The following SLIT3 variants were observed in gnomAD, a reference collection of about 807,000 sequenced individuals.
The protein encoded by SLIT3 is slit homolog 3 protein.
Under a neutral mutation model 184.0 loss-of-function variants are expected in SLIT3, and 68 were observed. That is an observed-to-expected ratio of 0.37 (90% CI 0.30 to 0.45). The LOEUF is 0.45. Among genes scored for constraint, SLIT3 ranks in the 20% least tolerant of loss-of-function variants. The pLI is 1.00. For synonymous variants in SLIT3, 831 were observed against 828.6 expected (o/e 1.00, Z -0.05); for missense variants, 1,707 against 2,026.0 (o/e 0.84, Z 3.02).
chr5:168,957,221 G>A (rs1473270015), intron 4 of SLIT3, among the ~76,000 whole-genome samples: 2 of 127,564 alleles, frequency 1.6e-5, no homozygotes, highest in Non-Finnish European at 3.1e-5. Context: ...AAGAGCAAAA[G>A]TCTGTCTCAA....
intron 22 of SLIT3, 104 bp from the exon 23 acceptor site, chr5:168,722,431 T>C: frequency 3.1e-6 from 3 of 972,598 alleles, no homozygotes; most frequent in African/African-American, 1.6e-5. Flanking sequence ...ATCTTTTCAA[T>C]GTTGATATAT....
chr5:169,161,759 C>G (rs1762487120), intron 4 of SLIT3, among the ~76,000 whole-genome samples: 1 of 151,128 alleles, frequency 6.6e-6, no homozygotes, highest in African/African-American at 2.4e-5. Context: ...GGGGAAGAGA[C>G]AGGCCAGGTA....
intron 4 of SLIT3, among the ~76,000 whole-genome samples, chr5:168,886,651 A>C (rs1386717434): frequency 6.6e-6 from 1 of 152,140 alleles, no homozygotes; most frequent in Admixed American, 6.5e-5. Context: ...CACTAGAAGA[A>C]AGGCATGAGA....
chr5:169,068,160 G>C lies in SLIT3; in HGVS notation c.413+125319C>G, dbSNP rs865874857. Among the ~76,000 whole-genome samples the C allele has an allele frequency of 4.1e-4, 63 of 152,098 alleles. 3 individuals carry two copies. The highest frequency in any genetic ancestry group is 3.4e-3 in the Middle Eastern group (1 of 294). Reference sequence around the variant, plus strand: ...CACTATTCCCCTCTCAGTTGTAAAAGTACAATAAATCTGCTGTAAGGGAAC... The same window carrying C: ...CACTATTCCCCTCTCAGTTGTAAAACTACAATAAATCTGCTGTAAGGGAAC... On this transcript the variant is annotated intron_variant, in intron 4 of 35. Transcript: ENST00000519560.
chr5:168,999,620 C>G (rs17636045), intron 4 of SLIT3, among the ~76,000 whole-genome samples: 1 of 152,200 alleles, frequency 6.6e-6, no homozygotes, highest in Admixed American at 6.5e-5. Context: ...CTTCCTAGTG[C>G]TGCCTCCCAC....
chr5:168,977,588 G>A (rs981038208), intron 4 of SLIT3, among the ~76,000 whole-genome samples: 1 of 152,284 alleles, frequency 6.6e-6, no homozygotes, highest in African/African-American at 2.4e-5. Context: ...ACAAAAGACC[G>A]AGGGTAAGTG....
At chr5:168,798,201 G>T (rs895120706) in intron 9 of SLIT3, among the ~76,000 whole-genome samples, 2 of 134,876 alleles carry the variant, frequency 1.5e-5, no homozygotes, top group African/African-American at 3.2e-5. Flanking sequence ...CTGGCTTTTG[G>T]TTTTCTTTTC....
At chr5:168,701,052 G>A (rs184242104) in intron 26 of SLIT3, among the ~76,000 whole-genome samples, 19 of 152,312 alleles carry the variant, frequency 1.2e-4, no homozygotes, top group Admixed American at 6.5e-4. Context: ...TTGGCTGATC[G>A]TGACCTCATA....
At chr5:169,043,180 C>T (rs767222597) in intron 4 of SLIT3, among the ~76,000 whole-genome samples, 3 of 152,046 alleles carry the variant, frequency 2.0e-5, no homozygotes, top group Admixed American at 6.6e-5. Flanking sequence ...ATGACTTGCC[C>T]GAGGTCATAC....
chr5:169,250,018 A>C (rs1306058044), intron 2 of SLIT3, among the ~76,000 whole-genome samples: 5 of 152,226 alleles, frequency 3.3e-5, no homozygotes, highest in Admixed American at 3.3e-4. Context: ...TGGGTAGACT[A>C]TCATTGTCTT....
chr5:169,099,266 C>T (rs1459413350), intron 4 of SLIT3, among the ~76,000 whole-genome samples: 1 of 152,120 alleles, frequency 6.6e-6, no homozygotes, highest in Non-Finnish European at 1.5e-5. Flanking sequence ...GGCACAGAAG[C>T]CCCCAAGACA....
In SLIT3 at chr5:169,097,987, T is replaced by A. The variant is rs183600847; in HGVS notation, c.413+95492A>T. 1.1e-4 allele frequency among the ~76,000 whole-genome samples: 16 copies of A among 152,264 alleles called. No homozygotes were observed. The East Asian group carries it at 1.4e-3, about 13-fold the overall frequency. On this transcript the variant is annotated intron_variant, in intron 4 of 35. Coordinates refer to ENST00000519560, the MANE Select transcript of SLIT3 (RefSeq NM_003062.4). ...CTATTCAAAATGTTCTTTTAAAAAA[T>A]TTTTAAAATATACTTGACAAGTGCT...
At chr5:168,861,851 C>T (rs1759121223) in intron 5 of SLIT3, among the ~76,000 whole-genome samples, 1 of 152,192 alleles carries the variant, frequency 6.6e-6, no homozygotes, top group Admixed American at 6.5e-5. Context: ...AAGAGTTAAA[C>T]TGTTCAACTT....
intron 4 of SLIT3, among the ~76,000 whole-genome samples, chr5:169,065,810 G>C (rs1281120895): frequency 6.6e-6 from 1 of 152,256 alleles, no homozygotes; most frequent in Non-Finnish European, 1.5e-5. Flanking sequence ...GGGAGGAACA[G>C]AGGGTGAGGG....
At chr5:169,134,405 G>C (rs978528679) in intron 4 of SLIT3, among the ~76,000 whole-genome samples, 1 of 152,160 alleles carries the variant, frequency 6.6e-6, no homozygotes, top group Admixed American at 6.5e-5. Context: ...CTTCATGCTT[G>C]CTGCTCCCTT....
intron 14 of SLIT3, among the ~76,000 whole-genome samples, 167 bp from the exon 15 acceptor site, chr5:168,762,856 C>G (rs1054646986): frequency 6.6e-6 from 1 of 152,126 alleles, no homozygotes; most frequent in African/African-American, 2.4e-5. Context: ...CTTGCTGGTG[C>G]CTTCCCTGTC....
At chr5:168,722,177 G>T in intron 23 of SLIT3, 79 bp downstream of exon 23, 2 of 1,283,686 alleles carry the variant, frequency 1.6e-6, no homozygotes, top group East Asian at 2.4e-5. Context: ...GGCAGAGAGT[G>T]GGGAAGGGGA....
chr5:168,740,890 C>T (rs780657175), intron 20 of SLIT3, among the ~76,000 whole-genome samples: 1 of 152,222 alleles, frequency 6.6e-6, no homozygotes, highest in Non-Finnish European at 1.5e-5. Flanking sequence ...TGTCCTTTGA[C>T]ATGTGTCACT....
At chr5:169,023,354 A>G (rs937981092) in intron 4 of SLIT3, among the ~76,000 whole-genome samples, 5 of 151,994 alleles carry the variant, frequency 3.3e-5, no homozygotes, top group Non-Finnish European at 5.9e-5. Context: ...GTGTGTAGAA[A>G]TTTTTTTAGG....
Sources: gnomAD v4.1 joint callset for allele counts (sites outside exome capture counted in the v4.1 genomes callset) on GRCh38, gnomAD v4.1.1 for gene constraint, MANE v1.5 for transcripts, NCBI Gene and HGNC (gene_info 2026-07-23, HGNC 2026-07-21) for gene names.